ADAMTSL1: variants seen among roughly 807,000 people sequenced by gnomAD.
ADAMTSL1 encodes ADAMTS-like protein 1.
A neutral mutation model predicts 201.8 loss-of-function variants in ADAMTSL1; 126 were observed. The observed-to-expected ratio is 0.62, with a 90% CI of 0.54 to 0.72. The LOEUF (loss-of-function observed/expected upper bound fraction) is 0.72, where lower values mean the gene tolerates loss of function less well. Ranked by LOEUF, ADAMTSL1 falls within the 30% of genes least tolerant of loss-of-function variation. The pLI, the probability that ADAMTSL1 is intolerant of heterozygous loss-of-function variation, is 0.00. For synonymous variants in ADAMTSL1, 1,121 were observed against 903.4 expected, an observed-to-expected ratio of 1.24 and a Z score of -4.32; for missense variants, 2,679 against 2,277.8, an observed-to-expected ratio of 1.18 and a Z score of -3.59.
chr9:18,688,237 C>A (rs750881385), intron 13 of ADAMTSL1, among the ~76,000 whole-genome samples: 108 of 151,778 alleles, frequency 7.1e-4, no homozygotes, highest in Non-Finnish European at 1.4e-3. Flanking sequence ...TATTCTCATG[C>A]CTCAGCCTCC....
chr9:18,548,956 G>A (rs564793975), intron 3 of ADAMTSL1, among the ~76,000 whole-genome samples: 1 of 151,760 alleles, frequency 6.6e-6, no homozygotes, highest in South Asian at 2.1e-4. Context: ...CCAAAATATA[G>A]GCCAAAATTC....
intron 2 of ADAMTSL1, among the ~76,000 whole-genome samples, chr9:18,305,981 C>A (rs1268589118): frequency 6.6e-6 from 1 of 152,106 alleles, no homozygotes; most frequent in African/African-American, 2.4e-5. Flanking sequence ...CTGGCAGGTG[C>A]CCCTCTGGGA....
chr9:18,569,168 C>A (rs1446853182), intron 3 of ADAMTSL1, among the ~76,000 whole-genome samples: 1 of 152,158 alleles, frequency 6.6e-6, no homozygotes, highest in African/African-American at 2.4e-5. Flanking sequence ...CATCAGGGGA[C>A]ATCTGGGATC....
intron 2 of ADAMTSL1, among the ~76,000 whole-genome samples, chr9:18,186,832 AACACACACAC>A (rs35993162): frequency 2.0e-4 from 30 of 149,516 alleles, no homozygotes; most frequent in South Asian, 6.4e-4. Context: ...ATCACTGTAC[AACACACACAC>A]ACACACACAC....
rs990399287 is a variant in ADAMTSL1, at chr9:18,906,725, C to T, written c.4995C>T (p.Ala1665=). The change falls in exon 28 of 29, where the codon GCC becomes GCT. Residue 1665 remains alanine, a synonymous_variant. Coordinates refer to ENST00000380548, the MANE Select transcript of ADAMTSL1 (RefSeq NM_001040272.6). ...PVSTQNCWSE[A]CSVHWRVSLW... ...GCACCCAGAACTGCTGGTCAGAGGC[C>T]TGCAGTGTACACTGGAGAGTCAGCC... 6.2e-7 allele frequency: 1 copy of T among 1,611,198 alleles called. No individual in the cohort carries two copies. The highest frequency in any genetic ancestry group is 8.5e-7 in the Non-Finnish European group (1 of 1,178,600).
chr9:18,490,090 G>T (rs1822193282), intron 1 of ADAMTSL1, among the ~76,000 whole-genome samples: 1 of 152,312 alleles, frequency 6.6e-6, no homozygotes, highest in African/African-American at 2.4e-5. Flanking sequence ...CCAAGGCCCT[G>T]TCCCAAACCA....
chr9:18,032,324 G>A (rs1343179703), intron 1 of ADAMTSL1, among the ~76,000 whole-genome samples: 4 of 152,156 alleles, frequency 2.6e-5, no homozygotes, highest in Admixed American at 1.3e-4. Context: ...TAGTGTGCTC[G>A]AATCCTAGAA....
rs537736531 is a variant in ADAMTSL1 at position 18,056,035 on chromosome 9, T to C, written c.88-107827T>C. On this transcript the variant is annotated intron_variant, in intron 1 of 29. Transcript: ENST00000680146. Reference sequence around the variant, plus strand: ...CAGATAACCATGAGCAAAAACAGTTTCCTGGGATCTGCTGTACAGGTCATG... The same window carrying C: ...CAGATAACCATGAGCAAAAACAGTTCCCTGGGATCTGCTGTACAGGTCATG... Among the ~76,000 whole-genome samples, 14 of 152,338 alleles carry C rather than the reference T, an allele frequency of 9.2e-5. No individual in the cohort carries two copies. In the South Asian group the frequency reaches 1.0e-3, roughly 11 times the overall value.
intron 23 of ADAMTSL1, among the ~76,000 whole-genome samples, chr9:18,854,815 T>C (rs1202940906): frequency 6.6e-6 from 1 of 152,222 alleles, no homozygotes; most frequent in Non-Finnish European, 1.5e-5. Context: ...GACCATATTA[T>C]GACTATCATC....
At chr9:18,429,223 C>T (rs369324121) in intron 2 of ADAMTSL1, among the ~76,000 whole-genome samples, 5 of 152,080 alleles carry the variant, frequency 3.3e-5, no homozygotes, top group African/African-American at 9.7e-5. Context: ...TTTTTGGAAA[C>T]ATTACTCTCT....
In ADAMTSL1 at chr9:18,108,627, A is replaced by T. The variant is rs1824867114; in HGVS notation, c.88-55235A>T. Among the ~76,000 whole-genome samples the T allele has an allele frequency of 2.0e-5, 3 of 152,280 alleles. 1 individual carries two copies. The South Asian group carries it at 6.2e-4, about 32-fold the overall frequency. On this transcript the variant is annotated intron_variant, in intron 1 of 29. Coordinates refer to the ADAMTSL1 transcript ENST00000680146. Reference sequence around the variant, plus strand: ...GACTTCTAAATTCTTGCATTTATTTAAAAAATACTGCATCCTCAATATCAA... The same window carrying T: ...GACTTCTAAATTCTTGCATTTATTTTAAAAATACTGCATCCTCAATATCAA...
At chr9:18,521,430 C>G (rs1248964655) in intron 2 of ADAMTSL1, among the ~76,000 whole-genome samples, 8 of 151,570 alleles carry the variant, frequency 5.3e-5, no homozygotes, top group Non-Finnish European at 8.8e-5. Flanking sequence ...TAAATACATA[C>G]ACCTACTAGA....
At chr9:18,033,173 C>G (rs143461844) in intron 1 of ADAMTSL1, among the ~76,000 whole-genome samples, 203 of 152,214 alleles carry the variant, frequency 1.3e-3, no homozygotes, top group African/African-American at 4.6e-3. Context: ...ATGTCGCTAT[C>G]AAGGATAATT....
intron 1 of ADAMTSL1, among the ~76,000 whole-genome samples, chr9:18,500,956 C>T (rs1822798748): frequency 6.6e-6 from 1 of 152,148 alleles, no homozygotes; most frequent in South Asian, 2.1e-4. Flanking sequence ...TCACTATGTT[C>T]AATAGCATCC....
intron 1 of ADAMTSL1, among the ~76,000 whole-genome samples, chr9:18,054,713 G>C (rs1822096446): frequency 6.6e-6 from 1 of 152,068 alleles, no homozygotes; most frequent in African/African-American, 2.4e-5. Context: ...AAAGAGTTGG[G>C]GTTACATGTA....
intron 2 of ADAMTSL1, among the ~76,000 whole-genome samples, chr9:18,164,671 A>G (rs1443765238): frequency 1.3e-5 from 2 of 151,814 alleles, no homozygotes; most frequent in Non-Finnish European, 2.9e-5. Context: ...TTAGAATTAG[A>G]GGATGCCGTA....
At chr9:18,638,553 C>T (rs1334827065) in intron 6 of ADAMTSL1, among the ~76,000 whole-genome samples, 1 of 152,092 alleles carries the variant, frequency 6.6e-6, no homozygotes, top group African/African-American at 2.4e-5. Context: ...TACAACAAAA[C>T]ATGCTTCATA....
chr9:18,908,372 G>T, intron 28 of ADAMTSL1, 70 bp from the exon 29 acceptor site: 1 of 1,332,750 alleles, frequency 7.5e-7, no homozygotes, highest in South Asian at 1.3e-5. Context: ...CCTCACACAG[G>T]CTGCGTTCAT....
intron 2 of ADAMTSL1, among the ~76,000 whole-genome samples, chr9:18,328,833 G>A (rs1481238136): frequency 6.6e-6 from 1 of 152,156 alleles, no homozygotes; most frequent in Non-Finnish European, 1.5e-5. Flanking sequence ...AGGATACAGA[G>A]TATACAGATG....
Sources: allele counts gnomAD v4.1 joint callset (sites outside exome capture counted in the v4.1 genomes callset), GRCh38; gene constraint gnomAD v4.1.1; transcripts MANE v1.5; gene names NCBI Gene and HGNC (gene_info 2026-07-23, HGNC 2026-07-21).